The following TNNI3K variants were observed in gnomAD, a reference collection of about 807,000 sequenced individuals.
TNNI3K encodes the protein TNNI3 interacting kinase, also known as serine/threonine-protein kinase TNNI3K.
In TNNI3K, 140 loss-of-function variants were observed where a neutral mutation model predicts 114.5. The observed-to-expected ratio is 1.22, with a 90% CI of 1.07 to 1.41. The LOEUF (loss-of-function observed/expected upper bound fraction) is 1.41, where lower values mean the gene tolerates loss of function less well. TNNI3K is among the 40% of genes most tolerant of loss of function. The probability of loss-of-function intolerance (pLI) is 0.00; values close to 1 mark genes in which losing one functional copy is unlikely to be tolerated. For missense variants in TNNI3K, 1,125 were observed against 1,007.6 expected, an observed-to-expected ratio of 1.12 and a Z score of -1.58; for synonymous variants, 347 against 347.5, an observed-to-expected ratio of 1.00 and a Z score of 0.02.
At position 74,446,001 on chromosome 1, in the gene TNNI3K, C is replaced by T. The variant is rs1180988103; in HGVS notation, c.2011+6379C>T. Among the ~76,000 whole-genome samples, 175 of 152,122 alleles carry T rather than the reference C, an allele frequency of 1.2e-3. 2 individuals carry two copies. Among genetic ancestry groups the T allele is most frequent in the Middle Eastern group, 0.01 (3 of 294 alleles). ...TGTGAATAATGCCACAATAAACATA[C>T]GTGTGCATGTGTCTTTATAGCAGCA... On this transcript the variant is annotated intron_variant, in intron 20 of 24. Transcript: ENST00000326637.
intron 21 of TNNI3K, among the ~76,000 whole-genome samples, chr1:74,474,125 G>A (rs533655807): frequency 6.6e-6 from 1 of 152,228 alleles, no homozygotes; most frequent in South Asian, 2.1e-4. Context: ...ACAACAGACT[G>A]GGTTTTAAAT....
chr1:74,322,483 T>C (rs1215616301), intron 5 of TNNI3K, among the ~76,000 whole-genome samples: 1 of 149,296 alleles, frequency 6.7e-6, no homozygotes, highest in Non-Finnish European at 1.5e-5. Context: ...TTTTTTGTCA[T>C]GGAGTCTCAC....
chr1:74,473,776 T>C (rs1668054758), intron 21 of TNNI3K, among the ~76,000 whole-genome samples: 2 of 152,118 alleles, frequency 1.3e-5, no homozygotes, highest in Non-Finnish European at 1.5e-5. Context: ...GGGAGCTTTA[T>C]GTAAGTAAAC....
chr1:74,351,122 G>A (rs1661313072), intron 9 of TNNI3K, among the ~76,000 whole-genome samples: 1 of 151,790 alleles, frequency 6.6e-6, no homozygotes, highest in African/African-American at 2.4e-5. Flanking sequence ...TCCTTTCCAT[G>A]TTTAGTGCTT....
intron 23 of TNNI3K, among the ~76,000 whole-genome samples, chr1:74,497,565 C>A (rs929842259): frequency 4.8e-5 from 7 of 146,728 alleles, no homozygotes; most frequent in Non-Finnish European, 7.5e-5. Context: ...CACATACATG[C>A]ACACACACAC....
chr1:74,451,854 T>C (rs894555056), intron 20 of TNNI3K, among the ~76,000 whole-genome samples: 1 of 151,340 alleles, frequency 6.6e-6, no homozygotes, highest in Non-Finnish European at 1.5e-5. Context: ...GATTTGTCTA[T>C]TTCTCAAAAT....
At chr1:74,408,012 T>C (rs1308585657) in intron 17 of TNNI3K, among the ~76,000 whole-genome samples, 3 of 152,150 alleles carry the variant, frequency 2.0e-5, no homozygotes, top group Non-Finnish European at 2.9e-5. Context: ...TCACTGCTTA[T>C]AACACCACTA....
intron 23 of TNNI3K, among the ~76,000 whole-genome samples, chr1:74,510,061 G>C (rs1307880786): frequency 6.6e-6 from 1 of 152,000 alleles, no homozygotes; most frequent in Non-Finnish European, 1.5e-5. Flanking sequence ...ATTTTCTATT[G>C]CTTGTGTATT....
At chr1:74,523,147 T>G (rs1646457150) in intron 23 of TNNI3K, among the ~76,000 whole-genome samples, 1 of 152,212 alleles carries the variant, frequency 6.6e-6, no homozygotes, top group African/African-American at 2.4e-5. Flanking sequence ...CAATTTGCCC[T>G]CAGTTTCTTC....
intron 5 of TNNI3K, among the ~76,000 whole-genome samples, chr1:74,319,198 G>A (rs111909837): frequency 0.017 from 2,600 of 152,214 alleles, 34 homozygotes; most frequent in Non-Finnish European, 0.023. Context: ...ATGGACTTTG[G>A]CAGGCTTTAA....
At chr1:74,402,603 G>T (rs1664422410) in intron 17 of TNNI3K, among the ~76,000 whole-genome samples, 1 of 152,078 alleles carries the variant, frequency 6.6e-6, no homozygotes, top group Non-Finnish European at 1.5e-5. Context: ...TTCATATCTG[G>T]TTTATTTTGT....
At chr1:74,280,111 G>A (rs944487157) in intron 5 of TNNI3K, among the ~76,000 whole-genome samples, 3 of 152,138 alleles carry the variant, frequency 2.0e-5, no homozygotes, top group African/African-American at 4.8e-5. Context: ...GGCTGGGTGC[G>A]GTGGCTCACG....
At chr1:74,352,452 A>T (rs1484542631) in intron 9 of TNNI3K, among the ~76,000 whole-genome samples, 53 of 147,472 alleles carry the variant, frequency 3.6e-4, no homozygotes, top group South Asian at 6.5e-4. Flanking sequence ...CCATTCTCAG[A>T]TCTCAAGCTG....
At position 74,470,335 on chromosome 1, in the gene TNNI3K, A is replaced by G. The variant is rs1158162725; in HGVS notation, c.2121+6785A>G. 4 of 400,562 alleles carry G rather than the reference A, an allele frequency of 1.0e-5. No individual in the cohort carries two copies. In the South Asian group the frequency reaches 3.8e-4, roughly 38 times the overall value. The allele number at this position is 400,562 out of a possible 1,614,324, so 24.8% of individuals were successfully genotyped here. Reference sequence around the variant, plus strand: ...GGTCATTTGTGAGATCTGAGTTAACATACTAGAATCTGTCTTGCTTTCATC... The same window carrying G: ...GGTCATTTGTGAGATCTGAGTTAACGTACTAGAATCTGTCTTGCTTTCATC... On this transcript the variant is annotated intron_variant, in intron 21 of 24. Transcript: ENST00000326637.
At chr1:74,533,106 A>G (rs1233276171) in intron 23 of TNNI3K, among the ~76,000 whole-genome samples, 2 of 152,214 alleles carry the variant, frequency 1.3e-5, no homozygotes, top group Admixed American at 6.5e-5. Flanking sequence ...AGCAAAAGAA[A>G]GTACCGTCAG....
Position 74,457,177 on chromosome 1 carries a change from G to T in TNNI3K, c.2012-6264G>T, listed in dbSNP as rs985189485. 4.6e-5 allele frequency among the ~76,000 whole-genome samples: 7 copies of T among 152,126 alleles called. No homozygotes were observed. The East Asian group carries it at 1.3e-3, about 29-fold the overall frequency. On this transcript the variant is annotated intron_variant, in intron 20 of 24. Transcript: ENST00000326637. ...AATCCTTATCAGTTTATCACTAAAA[G>T]GAGTAGAGCCAACCAATCACCACGC...
chr1:74,408,593 C>T (rs970263968), intron 17 of TNNI3K, among the ~76,000 whole-genome samples: 3 of 152,184 alleles, frequency 2.0e-5, no homozygotes, highest in African/African-American at 7.2e-5. Context: ...TGATACATTT[C>T]ATCTGCCCAC....
intron 17 of TNNI3K, among the ~76,000 whole-genome samples, chr1:74,413,919 A>C (rs1665002080): frequency 6.6e-6 from 1 of 152,218 alleles, no homozygotes; most frequent in Non-Finnish European, 1.5e-5. Context: ...CATTGCATTT[A>C]GAATGCTTTA....
At chr1:74,271,531 T>G in intron 4 of TNNI3K, 67 bp from the exon 5 acceptor site, 1 of 1,439,496 alleles carries the variant, frequency 6.9e-7, no homozygotes, top group Non-Finnish European at 9.4e-7. Context: ...AATCAATACA[T>G]CCTGTTGCAC....
Sources: gnomAD v4.1 joint callset for allele counts (sites outside exome capture counted in the v4.1 genomes callset) on GRCh38, gnomAD v4.1.1 for gene constraint, MANE v1.5 for transcripts, NCBI Gene and HGNC (gene_info 2026-07-23, HGNC 2026-07-21) for gene names.